RPS6KA5: variants seen among roughly 807,000 people sequenced by gnomAD.
RPS6KA5 encodes ribosomal protein S6 kinase alpha-5.
Under a neutral mutation model 85.5 loss-of-function variants are expected in RPS6KA5, and 27 were observed. The ratio of observed to expected loss-of-function variants is 0.32; its 90% CI spans 0.23 to 0.44. The LOEUF (loss-of-function observed/expected upper bound fraction) is 0.44, where lower values mean the gene tolerates loss of function less well. Among genes scored for constraint, RPS6KA5 ranks in the 20% least tolerant of loss-of-function variants. The pLI, the probability that RPS6KA5 is intolerant of heterozygous loss-of-function variation, is 1.00. For synonymous variants in RPS6KA5, 334 were observed against 348.2 expected (o/e 0.96, Z 0.46); for missense variants, 811 against 980.9 (o/e 0.83, Z 2.31).
intron 5 of RPS6KA5, among the ~76,000 whole-genome samples, chr14:90,931,500 T>C (rs1566756233): frequency 1.3e-5 from 2 of 152,156 alleles, no homozygotes; most frequent in Non-Finnish European, 2.9e-5. Flanking sequence ...ACAGTTAAGA[T>C]GGCAATTTTT....
At chr14:90,988,542 C>G (rs998296052) in intron 2 of RPS6KA5, among the ~76,000 whole-genome samples, 1 of 152,156 alleles carries the variant, frequency 6.6e-6, no homozygotes, top group African/African-American at 2.4e-5. Flanking sequence ...AGAGGCTGGG[C>G]ATGGTGGCTC....
chr14:91,011,570 C>G (rs1194996855), intron 1 of RPS6KA5, among the ~76,000 whole-genome samples: 5 of 152,164 alleles, frequency 3.3e-5, no homozygotes, highest in African/African-American at 1.2e-4. Context: ...TCTAACCTGT[C>G]AATTCAAACA....
intron 3 of RPS6KA5, among the ~76,000 whole-genome samples, chr14:90,954,335 T>A (rs1354551697): frequency 2.6e-5 from 4 of 152,268 alleles, no homozygotes; most frequent in Non-Finnish European, 5.9e-5. Context: ...GTAATTCTTC[T>A]TTAAATGTTT....
intron 2 of RPS6KA5, among the ~76,000 whole-genome samples, chr14:90,981,052 T>C (rs2039769776): frequency 6.6e-6 from 1 of 152,200 alleles, no homozygotes; most frequent in South Asian, 2.1e-4. Flanking sequence ...ATGCCTGTAA[T>C]CCCAGCTCCT....
intron 3 of RPS6KA5, among the ~76,000 whole-genome samples, chr14:90,948,738 A>G (rs1284542464): frequency 6.6e-6 from 1 of 151,992 alleles, no homozygotes; most frequent in Non-Finnish European, 1.5e-5. Flanking sequence ...ACAACAAAAA[A>G]AACCACTGAC....
At position 90,912,570 on chromosome 14, in the gene RPS6KA5, G is replaced by A. The variant is rs543555014; in HGVS notation, c.807-6271C>T. ...AGAATACAATGTGGGTGACTTCTCAGCACAGAGGCTGGCACACAGCGGTCC... is the reference window on the plus strand; with the variant it reads ...AGAATACAATGTGGGTGACTTCTCAACACAGAGGCTGGCACACAGCGGTCC... On this transcript the variant is annotated intron_variant, in intron 7 of 16. Coordinates refer to ENST00000614987, the MANE Select transcript of RPS6KA5 (RefSeq NM_004755.4). Among the ~76,000 whole-genome samples the A allele has an allele frequency of 5.8e-4, 88 of 152,330 alleles. 1 individual carries two copies. The highest frequency in any genetic ancestry group is 2.1e-3 in the African/African-American group (87 of 41,584).
At chr14:90,894,651 T>C in intron 12 of RPS6KA5, 68 bp from the exon 13 acceptor site, 1 of 1,517,972 alleles carries the variant, frequency 6.6e-7, no homozygotes, top group Non-Finnish European at 8.9e-7. Context: ...ATATAAAACA[T>C]TTATTGACTA....
intron 1 of RPS6KA5, among the ~76,000 whole-genome samples, chr14:91,026,552 T>C (rs10143011): frequency 0.012 from 1,793 of 152,292 alleles, 20 homozygotes; most frequent in South Asian, 0.033. Context: ...CTTTATCTAA[T>C]CCACCAATGA....
chr14:91,052,366 G>A (rs752974990), intron 1 of RPS6KA5: 3 of 402,734 alleles, frequency 7.4e-6, no homozygotes, highest in South Asian at 3.6e-5. Context: ...CACTTGGGAG[G>A]CTGAGGCAGG....
rs199573860 is a variant in RPS6KA5 at position 90,863,348 on chromosome 14, AT to A, written c.*8725del. ...AAAAAAAAGAAAAGAAAAGAAAAAAATATATATATATAGAATAGAAAAATAT... is the reference window on the plus strand; with the variant it reads ...AAAAAAAAGAAAAGAAAAGAAAAAAAATATATATATAGAATAGAAAAATAT... On this transcript the variant is annotated 3_prime_UTR_variant, in exon 17 of 17. Coordinates refer to ENST00000614987, the MANE Select transcript of RPS6KA5 (RefSeq NM_004755.4). 1 of 143,528 alleles carries A rather than the reference AT, an allele frequency of 7.0e-6. No individual in the cohort carries two copies. The highest frequency in any genetic ancestry group is 1.6e-5 in the Non-Finnish European group (1 of 63,844). The allele number at this position is 143,528 out of a possible 1,614,324, so 8.9% of individuals were successfully genotyped here.
At chr14:91,046,491 C>G in intron 1 of RPS6KA5, among the ~76,000 whole-genome samples, 1 of 152,204 alleles carries the variant, frequency 6.6e-6, no homozygotes, top group East Asian at 1.9e-4. Flanking sequence ...AGACTCTGTT[C>G]ATGCTGTCTT....
chr14:90,915,587 A>G (rs1447806975), intron 7 of RPS6KA5, among the ~76,000 whole-genome samples: 9 of 152,178 alleles, frequency 5.9e-5, no homozygotes, highest in African/African-American at 1.9e-4. Context: ...CAGGCGGATC[A>G]CTTGAGGTCA....
At chr14:91,059,169 C>T (rs954571949) in intron 1 of RPS6KA5, among the ~76,000 whole-genome samples, 4 of 150,010 alleles carry the variant, frequency 2.7e-5, no homozygotes, top group African/African-American at 7.4e-5. Flanking sequence ...CCCCCCACCC[C>T]GCCCCCACAA....
intron 3 of RPS6KA5, among the ~76,000 whole-genome samples, chr14:90,962,288 CA>C (rs1156951634): frequency 1.3e-4 from 18 of 134,712 alleles, no homozygotes; most frequent in Admixed American, 1.3e-3. Context: ...TTTTTTTTTA[CA>C]AAAAACTTAT....
chr14:90,978,646 G>A, intron 2 of RPS6KA5, 122 bp from the exon 3 acceptor site: 1 of 671,508 alleles, frequency 1.5e-6, no homozygotes, highest in South Asian at 2.2e-5. Context: ...AGTACCCTTG[G>A]TACCAGTTCA....
At chr14:90,969,063 G>T (rs926235534) in intron 3 of RPS6KA5, among the ~76,000 whole-genome samples, 1 of 152,172 alleles carries the variant, frequency 6.6e-6, no homozygotes, top group Non-Finnish European at 1.5e-5. Flanking sequence ...AGCCGTGTGT[G>T]TGTATGTGTG....
intron 5 of RPS6KA5, among the ~76,000 whole-genome samples, chr14:90,932,780 G>A (rs548494101): frequency 1.5e-4 from 23 of 152,156 alleles, no homozygotes; most frequent in Admixed American, 6.5e-4. Flanking sequence ...TCCTTCTCAA[G>A]GACAGTGTTC....
intron 1 of RPS6KA5, among the ~76,000 whole-genome samples, chr14:91,021,218 T>G (rs768466756): frequency 1.3e-5 from 2 of 152,228 alleles, no homozygotes; most frequent in Admixed American, 1.3e-4. Flanking sequence ...AGTAACTTTC[T>G]GACTCTTCCA....
rs1473029472 is a variant in RPS6KA5 at position 90,906,179 on chromosome 14, T to C, written c.927A>G (p.Ala309=). The change falls in exon 8 of 17, where the codon GCA becomes GCG. Residue 309 remains alanine, a synonymous_variant. Transcript: ENST00000614987. ...AGAAGAGATGTTCTTTGATTTCATC[T>C]GCATCACGTGGACCACATCCCAATC... ...KKRLGCGPRD[A]DEIKEHLFFQ... is the part of the protein sequence containing the mutation. The C allele has an allele frequency of 6.2e-7, 1 of 1,609,084 alleles. No homozygotes were observed. Among genetic ancestry groups the C allele is most frequent in the Non-Finnish European group, 8.5e-7 (1 of 1,176,454 alleles).
Sources: allele counts gnomAD v4.1 joint callset (sites outside exome capture counted in the v4.1 genomes callset), GRCh38; gene constraint gnomAD v4.1.1; transcripts MANE v1.5; gene names NCBI Gene and HGNC (gene_info 2026-07-23, HGNC 2026-07-21).